TRAP1: variants seen among roughly 807,000 people sequenced by gnomAD.
TRAP1 encodes TNF receptor associated protein 1.
Under a neutral mutation model 89.1 loss-of-function variants are expected in TRAP1, and 102 were observed. That is an observed-to-expected ratio of 1.15 (90% CI 0.98 to 1.35). The LOEUF is 1.35. TRAP1 is among the 40% of genes most tolerant of loss of function. The pLI, the probability that TRAP1 is intolerant of heterozygous loss-of-function variation, is 0.00. For synonymous variants in TRAP1, 508 were observed against 388.0 expected, an observed-to-expected ratio of 1.31 and a Z score of -3.64; for missense variants, 1,256 against 945.3, an observed-to-expected ratio of 1.33 and a Z score of -4.31.
intron 11 of TRAP1, among the ~76,000 whole-genome samples, chr16:3,668,611 G>A (rs953070195): frequency 3.9e-5 from 6 of 152,130 alleles, no homozygotes; most frequent in African/African-American, 1.4e-4. Flanking sequence ...AATTTCGGCT[G>A]ACTCTTTTCT....
chr16:3,661,094 G>A (rs2043049339), intron 16 of TRAP1: 1 of 151,972 alleles, frequency 6.6e-6, no homozygotes. Flanking sequence ...ATACAAGTTA[G>A]TTCATATACA....
chr16:3,687,701 C>T (rs1310301707), intron 3 of TRAP1, among the ~76,000 whole-genome samples: 1 of 151,838 alleles, frequency 6.6e-6, no homozygotes, highest in Non-Finnish European at 1.5e-5. Flanking sequence ...CTGGGCAACA[C>T]GGCAAAACTC....
At chr16:3,699,838 CTTT>C (rs60766205) in intron 1 of TRAP1, among the ~76,000 whole-genome samples, 2 of 136,326 alleles carry the variant, frequency 1.5e-5, no homozygotes, top group Non-Finnish European at 1.6e-5. Flanking sequence ...GGACTAAATT[CTTT>C]TTTTTTTTTT....
At chr16:3,706,456 CTTTT>C (rs34658116) in intron 1 of TRAP1, among the ~76,000 whole-genome samples, 2 of 98,972 alleles carry the variant, frequency 2.0e-5, no homozygotes, top group Middle Eastern at 6.0e-3. Flanking sequence ...TATTTGCACT[CTTTT>C]TTTTTTTTTT....
chr16:3,683,710 C>A (rs1322275428), intron 4 of TRAP1, among the ~76,000 whole-genome samples: 1 of 150,702 alleles, frequency 6.6e-6, no homozygotes, highest in Non-Finnish European at 1.5e-5. Flanking sequence ...ATAAGGGAAG[C>A]TGGGTGTTGG....
chr16:3,668,080 A>G (rs1334043318), intron 11 of TRAP1, among the ~76,000 whole-genome samples: 1 of 152,032 alleles, frequency 6.6e-6, no homozygotes, highest in East Asian at 1.9e-4. Context: ...CCTGCCTGCC[A>G]CCACGACTGG....
intron 16 of TRAP1, chr16:3,659,423 A>ATTCTAGGGAAGAAATGTTTC (rs2042934519): frequency 6.6e-6 from 1 of 152,204 alleles, no homozygotes; most frequent in African/African-American, 2.4e-5. Context: ...GACAAGCACA[A>ATTCTAGGGAAGAAATGTTTC]TTCTAGGGAA....
chr16:3,668,378 GTAAA>G (rs1403702111), intron 11 of TRAP1, among the ~76,000 whole-genome samples: 1 of 152,148 alleles, frequency 6.6e-6, no homozygotes, highest in Non-Finnish European at 1.5e-5. Context: ...AATATTTTAA[GTAAA>G]TAAATGAATG....
At chr16:3,710,875 A>ATTTTTTTTTT (rs1463164560) in intron 1 of TRAP1, among the ~76,000 whole-genome samples, 20 of 59,122 alleles carry the variant, frequency 3.4e-4, no homozygotes, top group African/African-American at 1.3e-3. Flanking sequence ...ATATATATAT[A>ATTTTTTTTTT]TATATTTTTT....
chr16:3,691,468 G>A (rs980893435), intron 1 of TRAP1, among the ~76,000 whole-genome samples: 5 of 152,138 alleles, frequency 3.3e-5, no homozygotes, highest in Admixed American at 6.5e-5. Context: ...CCATCTTCCC[G>A]CCTTGGCCTT....
chr16:3,676,616 T>C (rs2050999537), intron 6 of TRAP1: 1 of 153,712 alleles, frequency 6.5e-6, no homozygotes, highest in African/African-American at 2.4e-5. Context: ...CTAAGTTTAC[T>C]CTGAGCCCCG....
chr16:3,687,229 G>C (rs1275853608), intron 3 of TRAP1: 2 of 151,958 alleles, frequency 1.3e-5, no homozygotes, highest in African/African-American at 4.9e-5. Flanking sequence ...ACAGTTTTTT[G>C]GGGTTTCTGC....
In TRAP1 at chr16:3,674,377, G is replaced by C. The variant is rs148940269; in HGVS notation, c.1006C>G (p.Pro336Ala). 3 of 1,613,992 alleles carry C rather than the reference G, an allele frequency of 1.9e-6. No individual in the cohort carries two copies. The African/African-American group carries it at 4.0e-5, about 22-fold the overall frequency. ...TAGAAGATGCTGCGGATGTTGAGCGGTGCGTCCGTCTTATAGTGCAGGGTG... is the reference window on the plus strand; with the variant it reads ...TAGAAGATGCTGCGGATGTTGAGCGCTGCGTCCGTCTTATAGTGCAGGGTG... The part of the protein sequence containing the change: ...RYTLHYKTDA[P>A]LNIRSIFYVP... Residue 336 changes from proline (P) to alanine (A), a missense_variant, in exon 9 of 18, where the codon CCG becomes GCG. Physicochemically the swap from Pro to Ala is conservative, Grantham distance 27 (BLOSUM62 -1). Transcript: ENST00000246957.
In TRAP1 at chr16:3,690,932, T is replaced by C; in HGVS notation, c.142A>G (p.Asn48Asp). The C allele has an allele frequency of 6.3e-7, 1 of 1,588,792 alleles. No individual in the cohort carries two copies. The highest frequency in any genetic ancestry group is 8.6e-7 in the Non-Finnish European group (1 of 1,167,958). Residue 48 changes from asparagine to aspartate, a missense_variant, in exon 2 of 18, where the codon AAC (asparagine) becomes GAC (aspartate). Physicochemically the swap from Asn to Asp is conservative, Grantham distance 23. Coordinates refer to ENST00000246957, the MANE Select transcript of TRAP1 (RefSeq NM_016292.3). ...CCTGCCTGCAAGCTCCAGGCTGGGT[T>C]TCGCCTGGGGCCCAACTGGGCTGTG... ...RTTAQLGPRR[N>D]PAWSLQAGRL...
At chr16:3,708,742 G>A (rs2051485118) in intron 1 of TRAP1, among the ~76,000 whole-genome samples, 3 of 152,058 alleles carry the variant, frequency 2.0e-5, no homozygotes, top group African/African-American at 7.2e-5. Flanking sequence ...CTTAACCTCG[G>A]GAGGCGGAGG....
At chr16:3,673,097 T>C (rs2050937914) in intron 9 of TRAP1, among the ~76,000 whole-genome samples, 1 of 149,110 alleles carries the variant, frequency 6.7e-6, no homozygotes. Flanking sequence ...CTGAACACAC[T>C]GAACACAGCC....
At chr16:3,714,156 A>G (rs564738053) in intron 1 of TRAP1, among the ~76,000 whole-genome samples, 1 of 152,188 alleles carries the variant, frequency 6.6e-6, no homozygotes, top group Non-Finnish European at 1.5e-5. Flanking sequence ...CCCTGGGGCA[A>G]GCAGCTCTTG....
intron 11 of TRAP1, among the ~76,000 whole-genome samples, chr16:3,670,165 G>T (rs1020755591): frequency 1.3e-5 from 2 of 149,398 alleles, no homozygotes; most frequent in African/African-American, 5.0e-5. Context: ...GGCGGATCAC[G>T]AAGTCAGGAG....
rs754336461 is a variant in TRAP1 at position 3,690,859 on chromosome 16, T to A, written c.215A>T (p.His72Leu). The A allele has an allele frequency of 6.4e-7, 1 of 1,569,972 alleles. No homozygotes were observed. The highest frequency in any genetic ancestry group is 8.6e-7 in the Non-Finnish European group (1 of 1,157,870). Residue 72 changes from histidine (H) to leucine (L), a missense_variant, in exon 2 of 18, where the codon CAC (histidine) becomes CTC (leucine). His to Leu is a moderately conservative substitution (Grantham distance 99, BLOSUM62 -3). Transcript: ENST00000246957. ...QTAEDKEEPL[H>L]SIISSTESVQ... ...GCTCTCTGTGCTGCTGATAATCGAG[T>A]GCAGGGGTTCCTCCTTGTCCTCGGC...
Sources: allele counts gnomAD v4.1 joint callset (sites outside exome capture counted in the v4.1 genomes callset), GRCh38; gene constraint gnomAD v4.1.1; transcripts MANE v1.5; gene names NCBI Gene and HGNC (gene_info 2026-07-23, HGNC 2026-07-21).